MED1: variants seen among roughly 807,000 people sequenced by gnomAD.
MED1 encodes mediator of RNA polymerase II transcription subunit 1.
Under a neutral mutation model 121.3 loss-of-function variants are expected in MED1, and 17 were observed. The ratio of observed to expected loss-of-function variants is 0.14; its 90% CI spans 0.10 to 0.21. The LOEUF (loss-of-function observed/expected upper bound fraction) is 0.21. Ranked by LOEUF, MED1 falls within the 10% of genes least tolerant of loss-of-function variation. The pLI, the probability that MED1 is intolerant of heterozygous loss-of-function variation, is 1.00. For missense variants in MED1, 1,558 were observed against 1,919.4 expected (o/e 0.81, Z 3.52); for synonymous variants, 661 against 694.4 (o/e 0.95, Z 0.76).
At chr17:39,421,567 T>TA (rs1178164119) in intron 13 of MED1, among the ~76,000 whole-genome samples, 1 of 151,506 alleles carries the variant, frequency 6.6e-6, no homozygotes, top group Non-Finnish European at 1.5e-5. Flanking sequence ...AATAAAAAAA[T>TA]AAAAAAGAGA....
At chr17:39,438,763 G>A (rs754050152) in intron 6 of MED1, among the ~76,000 whole-genome samples, 34 of 152,012 alleles carry the variant, frequency 2.2e-4, no homozygotes, top group Non-Finnish European at 4.6e-4. Context: ...GTGAGCCACC[G>A]CACCCAGCCA....
intron 8 of MED1, 82 bp downstream of exon 8, chr17:39,431,860 T>A (rs2048567854): frequency 1.1e-6 from 1 of 916,818 alleles, no homozygotes; most frequent in African/African-American, 1.7e-5. Context: ...ACAGGCTTAA[T>A]AGAGATGTAT....
intron 10 of MED1, 179 bp downstream of exon 10, chr17:39,427,522 T>G: frequency 2.0e-6 from 1 of 500,332 alleles, no homozygotes. Context: ...TGTGTATATA[T>G]GCATGTGTGT....
chr17:39,434,255 C>T lies in MED1; in HGVS notation c.494G>A (p.Gly165Glu), dbSNP rs2048597446. 1 of 1,549,716 alleles carries T rather than the reference C, an allele frequency of 6.5e-7. No homozygotes were observed. Among genetic ancestry groups the T allele is most frequent in the African/African-American group, 1.4e-5 (1 of 71,028 alleles). Residue 165 changes from glycine (G) to glutamate (E), a missense_variant, in exon 7 of 17, where the codon GGG becomes GAG. Coordinates refer to ENST00000300651, the MANE Select transcript of MED1 (RefSeq NM_004774.4). ...AAATATTAAAAATACTTACTTGTCC[C>T]CTGGAAGGTTATACAGATTAACAAG... The part of the protein sequence containing the change: ...KGLVNLYNLP[G>E]DNKLKTKMYL...
chr17:39,434,556 A>G (rs549950937), intron 6 of MED1, among the ~76,000 whole-genome samples: 4 of 152,302 alleles, frequency 2.6e-5, no homozygotes, highest in African/African-American at 9.6e-5. Flanking sequence ...AAGCAGTGTG[A>G]AAGTTAAAAG....
Position 39,407,311 on chromosome 17 carries a change from TCTGGATATGC to T in MED1, c.*154_*163del, listed in dbSNP as rs1433316870. The T allele has an allele frequency of 7.3e-7, 1 of 1,362,804 alleles. No homozygotes were observed. Among genetic ancestry groups the T allele is most frequent in the Non-Finnish European group, 9.4e-7 (1 of 1,061,592 alleles). 84.4% of individuals were successfully genotyped at this position (1,362,804 alleles called of 1,614,324 possible). On this transcript the variant is annotated 3_prime_UTR_variant, in exon 17 of 17. Coordinates refer to ENST00000300651, the MANE Select transcript of MED1 (RefSeq NM_004774.4). ...AAACCCTGTGGTTTCTTTAATAGGG[TCTGGATATGC>T]CTTTCTAATTCACCCAGCTTGATGT...
At chr17:39,412,824 C>T (rs763028343) in intron 16 of MED1, among the ~76,000 whole-genome samples, 9 of 152,090 alleles carry the variant, frequency 5.9e-5, no homozygotes, top group Non-Finnish European at 8.8e-5. Context: ...GGGTGACCCC[C>T]GCACCCGGCC....
Position 39,409,867 on chromosome 17 carries a change from T to C in MED1, c.2354A>G (p.Asp785Gly), listed in dbSNP as rs758650926. 9 of 1,614,184 alleles carry C rather than the reference T, an allele frequency of 5.6e-6. No individual in the cohort carries two copies. In the South Asian group the frequency reaches 8.8e-5, roughly 16 times the overall value. Residue 785 changes from aspartate (D) to glycine (G), a missense_variant, in exon 17 of 17, where the codon GAC (aspartate) becomes GGC (glycine). Transcript: ENST00000300651. Reference protein sequence around the residue: ...IGPDVTDILSDIAEEASKLPS... With the variant: ...IGPDVTDILSGIAEEASKLPS... ...AAGTTTAGAAGCTTCTTCTGCAATG[T>C]CTGAAAGGATGTCAGTTACATCTGG...
rs2048397095 is a variant in MED1 at position 39,415,116 on chromosome 17, T to C, written c.1409A>G (p.Gln470Arg). ...TTTACAGCTCACATGTGTTGAGTCC[T>C]GCACATCCATTACCACTGAAAGACA... ...DSLVCVVMDV[Q>R]DSTHVSCKLY... The change falls in exon 16 of 17, where the codon CAG becomes CGG. Residue 470 changes from glutamine (Q) to arginine (R), a missense_variant. Gln to Arg is a conservative substitution (Grantham distance 43). Transcript: ENST00000300651. The C allele has an allele frequency of 6.2e-7, 1 of 1,613,892 alleles. No homozygotes were observed. Among genetic ancestry groups the C allele is most frequent in the Admixed American group, 1.7e-5 (1 of 59,992 alleles).
At chr17:39,444,917 T>C (rs2048712545) in intron 2 of MED1, among the ~76,000 whole-genome samples, 1 of 152,074 alleles carries the variant, frequency 6.6e-6, no homozygotes, top group Non-Finnish European at 1.5e-5. Context: ...AGCCTAGTTT[T>C]CCTAACCCTA....
In MED1 at chr17:39,451,216, G is replaced by A. The variant is rs1010837147; in HGVS notation, c.-154C>T. ...ATCAATCTGAAGTCCCCGGCGGCAA[G>A]AAGAGAAGGGTGCTCGAGGCCGCCG... On this transcript the variant is annotated 5_prime_UTR_variant, in exon 1 of 17. Coordinates refer to ENST00000300651, the MANE Select transcript of MED1 (RefSeq NM_004774.4). 9.8e-6 allele frequency: 8 copies of A among 816,016 alleles called. No homozygotes were observed. In the East Asian group the frequency reaches 1.1e-4, roughly 12 times the overall value. 50.5% of individuals were successfully genotyped at this position (816,016 alleles called of 1,614,324 possible).
At chr17:39,418,510 G>C (rs2048431646) in intron 14 of MED1, among the ~76,000 whole-genome samples, 1 of 151,190 alleles carries the variant, frequency 6.6e-6, no homozygotes, top group South Asian at 2.1e-4. Context: ...TTCAGTCTGG[G>C]CAACAGAGTG....
At position 39,410,420 on chromosome 17, in the gene MED1, T is replaced by A; in HGVS notation, c.1801A>T (p.Asn601Tyr). The A allele has an allele frequency of 6.2e-7, 1 of 1,614,062 alleles. No individual in the cohort carries two copies. The highest frequency in any genetic ancestry group is 8.5e-7 in the Non-Finnish European group (1 of 1,180,012). ...HGEDFSKVSQ[N>Y]PILTSLLQIT... ...TGCAACAAACTGGTAAGAATTGGGT[T>A]CTGAGACACCTTGCTGAAGTCCTCC... Residue 601 changes from asparagine to tyrosine, a missense_variant, in exon 17 of 17, where the codon AAC (asparagine) becomes TAC (tyrosine). Coordinates refer to ENST00000300651, the MANE Select transcript of MED1 (RefSeq NM_004774.4).
rs778878014 is a variant in MED1, at chr17:39,407,753, G to C, written c.4468C>G (p.Pro1490Ala). 6.2e-7 allele frequency: 1 copy of C among 1,614,034 alleles called. No homozygotes were observed. The highest frequency in any genetic ancestry group is 1.1e-5 in the South Asian group (1 of 91,062). ...PSSDDGIRPL[P>A]EYSTEKHKKH... ...TTATGTTTCTCTGTGCTGTATTCTG[G>C]AAGTGGTCGGATACCATCGTCTGAG... Residue 1490 changes from proline (P) to alanine (A), a missense_variant, in exon 17 of 17, where the codon CCA becomes GCA. Coordinates refer to ENST00000300651, the MANE Select transcript of MED1 (RefSeq NM_004774.4).
intron 16 of MED1, among the ~76,000 whole-genome samples, chr17:39,411,348 C>T (rs905161992): frequency 8.6e-5 from 13 of 152,004 alleles, no homozygotes; most frequent in Admixed American, 5.9e-4. Context: ...AGGTCGGGCG[C>T]GGTGGCTCAC....
chr17:39,425,243 T>C (rs1388277258), intron 10 of MED1, among the ~76,000 whole-genome samples: 1 of 152,128 alleles, frequency 6.6e-6, no homozygotes, highest in Non-Finnish European at 1.5e-5. Flanking sequence ...CAGACTGGAA[T>C]GCAGTGGTGT....
chr17:39,418,356 T>G (rs1010135099), intron 14 of MED1, among the ~76,000 whole-genome samples: 2 of 151,430 alleles, frequency 1.3e-5, no homozygotes, highest in East Asian at 1.9e-4. Flanking sequence ...ATGGGCAACA[T>G]AGAGAGACCC....
At position 39,409,651 on chromosome 17, in the gene MED1, T is replaced by C. The variant is rs1399792791; in HGVS notation, c.2570A>G (p.His857Arg). The stretch of plus-strand genomic sequence containing the variant: ...GAAATCTACTCCATCATGAAAAAAA[T>C]GATTGGTAGGAGAGTCACTACTGGG... ...GSPSSDSPTN[H>R]FFHDGVDFNP... The change falls in exon 17 of 17, where the codon CAT becomes CGT. Residue 857 changes from histidine (H) to arginine (R), a missense_variant. Physicochemically the swap from His to Arg is conservative, Grantham distance 29. Around this residue, in one of 5 missense-constraint regions of MED1, gnomAD observed 793 missense variants for 898.2 expected, o/e 0.88. Coordinates refer to ENST00000300651, the MANE Select transcript of MED1 (RefSeq NM_004774.4). 1 of 1,613,942 alleles carries C rather than the reference T, an allele frequency of 6.2e-7. No individual in the cohort carries two copies. Among genetic ancestry groups the C allele is most frequent in the Admixed American group, 1.7e-5 (1 of 59,968 alleles).
chr17:39,424,835 C>G (rs2048499803), intron 10 of MED1, 97 bp from the exon 11 acceptor site: 4 of 721,018 alleles, frequency 5.5e-6, no homozygotes, highest in Non-Finnish European at 9.7e-6. Flanking sequence ...TATTTGTCAG[C>G]TATAATTTAT....
Sources: allele counts gnomAD v4.1 joint callset (sites outside exome capture counted in the v4.1 genomes callset), GRCh38; gene constraint gnomAD v4.1.1; regional missense constraint gnomAD v4.1.1; transcripts MANE v1.5; gene names NCBI Gene and HGNC (gene_info 2026-07-23, HGNC 2026-07-21).